CCDC171: variants seen among roughly 807,000 people sequenced by gnomAD.
The protein encoded by CCDC171 is coiled-coil domain containing 171, also known as coiled-coil domain-containing protein 171.
Under a neutral mutation model 168.2 loss-of-function variants are expected in CCDC171, and 177 were observed. That is an observed-to-expected ratio of 1.05 (90% CI 0.93 to 1.19). The LOEUF is 1.19. CCDC171 is among the 50% of genes most tolerant of loss of function. The pLI is 0.00. For synonymous variants in CCDC171, 687 were observed against 540.8 expected, an observed-to-expected ratio of 1.27 and a Z score of -3.75; for missense variants, 1,991 against 1,539.0, an observed-to-expected ratio of 1.29 and a Z score of -4.91.
intron 18 of CCDC171, among the ~76,000 whole-genome samples, chr9:15,770,910 A>G (rs1377275931): frequency 2.6e-5 from 4 of 152,342 alleles, no homozygotes; most frequent in African/African-American, 9.6e-5. Flanking sequence ...ATACATGTGT[A>G]CAAATATAAT....
At chr9:15,868,766 A>G (rs901592635) in intron 23 of CCDC171, among the ~76,000 whole-genome samples, 1 of 151,988 alleles carries the variant, frequency 6.6e-6, no homozygotes, top group Non-Finnish European at 1.5e-5. Context: ...AGAGCACTAG[A>G]CTTAGTATCC....
At chr9:15,661,006 C>T (rs886122240) in intron 8 of CCDC171, among the ~76,000 whole-genome samples, 14 of 152,016 alleles carry the variant, frequency 9.2e-5, no homozygotes, top group Middle Eastern at 3.4e-3. Flanking sequence ...TTTTGCCGGG[C>T]GCGGGGGCTC....
chr9:16,012,150 CA>C (rs1293106447), intron 3 of CCDC171, among the ~76,000 whole-genome samples: 5 of 152,146 alleles, frequency 3.3e-5, no homozygotes, highest in East Asian at 3.9e-4. Flanking sequence ...CTGTGCTGCC[CA>C]AGGAGGGTTC....
chr9:16,007,821 T>C (rs1208780393), intron 3 of CCDC171, among the ~76,000 whole-genome samples: 1 of 152,194 alleles, frequency 6.6e-6, no homozygotes, highest in Admixed American at 6.5e-5. Flanking sequence ...ACCATGCTGT[T>C]TTGGTTACTG....
chr9:15,780,412 G>C (rs926467458), intron 20 of CCDC171, among the ~76,000 whole-genome samples: 2 of 152,066 alleles, frequency 1.3e-5, no homozygotes, highest in Non-Finnish European at 2.9e-5. Context: ...ACTGGGTATG[G>C]TGGCTCATGC....
At chr9:15,585,057 C>G (rs1179528390) in intron 4 of CCDC171, among the ~76,000 whole-genome samples, 1 of 152,112 alleles carries the variant, frequency 6.6e-6, no homozygotes, top group Non-Finnish European at 1.5e-5. Flanking sequence ...TACTAAACAC[C>G]TATCAGGTGG....
At chr9:15,671,344 T>C (rs976142514) in intron 9 of CCDC171, among the ~76,000 whole-genome samples, 1 of 151,984 alleles carries the variant, frequency 6.6e-6, no homozygotes, top group African/African-American at 2.4e-5. Context: ...TTTTTTTAAA[T>C]TTATTTTTAT....
At chr9:15,691,556 A>ATATATT in intron 10 of CCDC171, among the ~76,000 whole-genome samples, 1 of 144,046 alleles carries the variant, frequency 6.9e-6, no homozygotes, top group East Asian at 2.0e-4. Context: ...TTATATATAT[A>ATATATT]TATATATATA....
intron 23 of CCDC171, among the ~76,000 whole-genome samples, chr9:15,861,701 CATT>C (rs1423238692): frequency 6.6e-6 from 1 of 151,718 alleles, no homozygotes; most frequent in East Asian, 1.9e-4. Context: ...TTCATTCATT[CATT>C]CACATATTTT....
the CCDC171 span, among the ~76,000 whole-genome samples, chr9:16,074,753 A>G: frequency 3.3e-5 from 5 of 152,218 alleles, no homozygotes; most frequent in Non-Finnish European, 7.3e-5. Context: ...GAGTAAAGGC[A>G]TATAGGAAGA....
downstream of CCDC171, among the ~76,000 whole-genome samples, chr9:16,066,447 C>CTCTTTT (rs1202011377): frequency 1.4e-5 from 2 of 146,928 alleles, no homozygotes; most frequent in African/African-American, 5.2e-5. Flanking sequence ...TGTTTTCTTC[C>CTCTTTT]TCTTTTTCTT....
At chr9:15,577,570 C>T (rs1190456303) in intron 3 of CCDC171, among the ~76,000 whole-genome samples, 2 of 152,190 alleles carry the variant, frequency 1.3e-5, no homozygotes, top group African/African-American at 2.4e-5. Context: ...ATAAACCCAT[C>T]TTGAGACAAT....
intron 25 of CCDC171, chr9:15,922,060 A>G (rs920412335): frequency 1.3e-5 from 3 of 230,612 alleles, no homozygotes; most frequent in Admixed American, 7.4e-5. Flanking sequence ...CTTCACAATC[A>G]TACCAAAACT....
At chr9:15,575,570 A>C (rs2040584032) in intron 3 of CCDC171, among the ~76,000 whole-genome samples, 1 of 152,134 alleles carries the variant, frequency 6.6e-6, no homozygotes, top group African/African-American at 2.4e-5. Flanking sequence ...AGTACTCTTG[A>C]GAGCAGGGAT....
intron 10 of CCDC171, among the ~76,000 whole-genome samples, chr9:15,680,346 C>G (rs2049957196): frequency 6.6e-6 from 1 of 152,148 alleles, no homozygotes; most frequent in African/African-American, 2.4e-5. Flanking sequence ...ATACTTTCCT[C>G]AGAGGCTTGA....
At position 15,560,224 on chromosome 9, in the gene CCDC171, T is replaced by A. The variant is rs199890370; in HGVS notation, c.-111-3754T>A. Among the ~76,000 whole-genome samples, 325 of 152,104 alleles carry A rather than the reference T, an allele frequency of 2.1e-3. 5 individuals are homozygous for A. The highest frequency in any genetic ancestry group is 0.021 in the South Asian group (100 of 4,814). On this transcript the variant is annotated intron_variant, in intron 1 of 25. Transcript: ENST00000380701. The stretch of plus-strand genomic sequence containing the variant: ...ATGTGTCTTGGAGTTGCTCTTCTTG[T>A]GGAGTATCTTTGTGGCGTTCTCTGT...
In CCDC171 at chr9:15,585,129, T is replaced by C. The variant is rs1404403236; in HGVS notation, c.352+6106T>C. Among the ~76,000 whole-genome samples, 4 of 152,232 alleles carry C rather than the reference T, an allele frequency of 2.6e-5. No homozygotes were observed. The East Asian group carries it at 5.8e-4, about 22-fold the overall frequency. On this transcript the variant is annotated intron_variant, in intron 4 of 25. Transcript: ENST00000380701. ...GAGGATATAGAGCAACAGGGACTCATATTTTTTGTTAATGGGAGTGTAAAA... is the reference window on the plus strand; with the variant it reads ...GAGGATATAGAGCAACAGGGACTCACATTTTTTGTTAATGGGAGTGTAAAA...
chr9:15,682,191 C>G (rs2050085064), intron 10 of CCDC171, among the ~76,000 whole-genome samples: 1 of 152,048 alleles, frequency 6.6e-6, no homozygotes, highest in African/African-American at 2.4e-5. Context: ...AATTTTGAGA[C>G]TTACAAATAA....
At chr9:16,040,028 A>G (rs1476660645), upstream of CCDC171, among the ~76,000 whole-genome samples, 1 of 152,168 alleles carries the variant, frequency 6.6e-6, no homozygotes, top group East Asian at 1.9e-4. Context: ...TCAGAATCTC[A>G]GTTTCATCAT....
Sources: gnomAD v4.1 joint callset for allele counts (sites outside exome capture counted in the v4.1 genomes callset) on GRCh38, gnomAD v4.1.1 for gene constraint, MANE v1.5 for transcripts, NCBI Gene and HGNC (gene_info 2026-07-23, HGNC 2026-07-21) for gene names.